TAGLN: variants seen among roughly 807,000 people sequenced by gnomAD.
TAGLN encodes the protein transgelin.
TAGLN carries 16 observed loss-of-function variants against 21.9 expected under a neutral mutation model. The observed-to-expected ratio is 0.73, with a 90% CI of 0.49 to 1.11. The LOEUF is 1.11. TAGLN is among the 50% of genes least tolerant of loss of function. TAGLN has a pLI of 0.00. For synonymous variants in TAGLN, 96 were observed against 94.9 expected (o/e 1.01, Z -0.06); for missense variants, 248 against 263.2 (o/e 0.94, Z 0.40).
Position 117,206,163 on chromosome 11 carries a change from G to A in TAGLN, c.*1804G>A. ...CCTGCTCTCTGTTTCCACTTCGTCT[G>A]GATCCTTGCTGCTGCAAAGTGGCAC... On this transcript the variant is annotated 3_prime_UTR_variant, in exon 5 of 5. Transcript: ENST00000392951. The A allele has an allele frequency of 6.2e-7, 1 of 1,612,932 alleles. No individual in the cohort carries two copies. Among genetic ancestry groups the A allele is most frequent in the Non-Finnish European group, 8.5e-7 (1 of 1,179,166 alleles).
Position 117,205,976 on chromosome 11 carries a change from C to T in TAGLN, c.*1617C>T, listed in dbSNP as rs1189873090. Reference sequence around the variant, plus strand: ...TAATTTTGGGAAAGAAGAGCCTGTCCCACACTGTCAGGCCCTGAGGTCAGC... The same window carrying T: ...TAATTTTGGGAAAGAAGAGCCTGTCTCACACTGTCAGGCCCTGAGGTCAGC... On this transcript the variant is annotated 3_prime_UTR_variant, in exon 5 of 5. Transcript: ENST00000392951. 2 of 931,412 alleles carry T rather than the reference C, an allele frequency of 2.1e-6. No homozygotes were observed. The highest frequency in any genetic ancestry group is 3.2e-6 in the Non-Finnish European group (2 of 627,840). 57.7% of individuals were successfully genotyped at this position (931,412 alleles called of 1,614,324 possible). A position where few individuals can be genotyped will look rare whatever the true frequency, so the allele number is the denominator to read the frequency against.
chr11:117,203,947 C>T lies in TAGLN; in HGVS notation c.461+63C>T. 4 of 1,434,620 alleles carry T rather than the reference C, an allele frequency of 2.8e-6. No individual in the cohort carries two copies. Among genetic ancestry groups the T allele is most frequent in the Non-Finnish European group, 3.9e-6 (4 of 1,019,192 alleles). 88.9% of individuals were successfully genotyped at this position (1,434,620 alleles called of 1,614,324 possible). ...GTGGGAGGTGGCTTGTTCTAAGGAG[C>T]TTGCGGGAAGGATTAGGGGAAGCAG... On this transcript the variant is annotated intron_variant, in intron 4 of 4. Transcript: ENST00000392951. This position sits in a 1 kb window ranked among gnomAD's most constrained non-coding sequence, Gnocchi z 4.4.
At chr11:117,204,068 TC>T in intron 4 of TAGLN, 146 bp from the exon 5 acceptor site, 1 of 1,269,676 alleles carries the variant, frequency 7.9e-7, no homozygotes. Flanking sequence ...GCGCTCAGTC[TC>T]CCTAGCCTAT....
Position 117,206,415 on chromosome 11 carries a change from C to T in TAGLN, c.*2056C>T, listed in dbSNP as rs2031398167. On this transcript the variant is annotated 3_prime_UTR_variant, in exon 5 of 5. Coordinates refer to ENST00000392951, the MANE Select transcript of TAGLN (RefSeq NM_003186.5). ...GTTTCCCGAAGCCTACAGCCTTTCT[C>T]AGCCCAGGACAATGAGCTCAGAAAG... 2 of 1,551,676 alleles carry T rather than the reference C, an allele frequency of 1.3e-6. No homozygotes were observed. The highest frequency in any genetic ancestry group is 2.3e-5 in the East Asian group (1 of 44,340).
In TAGLN at chr11:117,205,597, A is replaced by C. The variant is rs548427880; in HGVS notation, c.*1238A>C. Reference sequence around the variant, plus strand: ...GCCTCTACCCCGAAGTCCTCTTCCCAAGTGACCCCAGTGATGTTTCCATTG... The same window carrying C: ...GCCTCTACCCCGAAGTCCTCTTCCCCAGTGACCCCAGTGATGTTTCCATTG... On this transcript the variant is annotated 3_prime_UTR_variant, in exon 5 of 5. Transcript: ENST00000392951. The C allele has an allele frequency of 5.4e-5, 13 of 242,222 alleles. No individual in the cohort carries two copies. In the South Asian group the frequency reaches 2.1e-3, roughly 40 times the overall value. 15.0% of individuals were successfully genotyped at this position (242,222 alleles called of 1,614,324 possible). A position where few individuals can be genotyped will look rare whatever the true frequency, so the allele number is the denominator to read the frequency against.
intron 1 of TAGLN, chr11:117,200,260 C>G (rs918053623): frequency 4.6e-5 from 7 of 152,348 alleles, no homozygotes; most frequent in Non-Finnish European, 8.8e-5. Flanking sequence ...TCCAGGTGTG[C>G]TCACTCCTAT....
chr11:117,203,589 C>T lies in TAGLN; in HGVS notation c.358+105C>T, dbSNP rs2031197324. The T allele has an allele frequency of 1.4e-6, 2 of 1,384,194 alleles. No individual in the cohort carries two copies. Among genetic ancestry groups the T allele is most frequent in the East Asian group, 2.4e-5 (1 of 42,210 alleles). The allele number at this position is 1,384,194 out of a possible 1,614,324, so 85.7% of individuals were successfully genotyped here. A position where few individuals can be genotyped will look rare whatever the true frequency, so the allele number is the denominator to read the frequency against. On this transcript the variant is annotated intron_variant, in intron 3 of 4. Coordinates refer to ENST00000392951, the MANE Select transcript of TAGLN (RefSeq NM_003186.5). This position sits in a 1 kb window ranked among gnomAD's most constrained non-coding sequence, Gnocchi z 4.4. Reference sequence around the variant, plus strand: ...CCACAACTAGGGGTGTGCTTGCCCGCACACAGCAGGGATGGGATATGCCGA... The same window carrying T: ...CCACAACTAGGGGTGTGCTTGCCCGTACACAGCAGGGATGGGATATGCCGA...
At position 117,203,067 on chromosome 11, in the gene TAGLN, C is replaced by G; in HGVS notation, c.54C>G (p.Ile18Met). ...YGMSREVQSKIEKKYDEELEE... is the reference protein window; with the variant it reads ...YGMSREVQSKMEKKYDEELEE... ...TGAGCCGCGAAGTGCAGTCCAAAAT[C>G]GAGAAGAAGTATGACGAGGAGCTGG... The change falls in exon 2 of 5, where the codon ATC becomes ATG. Residue 18 changes from isoleucine to methionine, a missense_variant. Physicochemically the swap from Ile to Met is conservative, Grantham distance 10 (BLOSUM62 1). Coordinates refer to ENST00000392951, the MANE Select transcript of TAGLN (RefSeq NM_003186.5). This position sits in a 1 kb window ranked among gnomAD's most constrained non-coding sequence, Gnocchi z 4.4. 6.2e-7 allele frequency: 1 copy of G among 1,609,704 alleles called. No homozygotes were observed. Among genetic ancestry groups the G allele is most frequent in the Non-Finnish European group, 8.5e-7 (1 of 1,177,940 alleles).
Position 117,203,916 on chromosome 11 carries a change from C to A in TAGLN, c.461+32C>A. 6.4e-7 allele frequency: 1 copy of A among 1,571,490 alleles called. No homozygotes were observed. Among genetic ancestry groups the A allele is most frequent in the Non-Finnish European group, 8.8e-7 (1 of 1,141,532 alleles). ...GGCCCCCAGGGAGCTTGGGTCTCCG[C>A]ATGGGGTGGGAGGTGGCTTGTTCTA... On this transcript the variant is annotated intron_variant, in intron 4 of 4. Transcript: ENST00000392951. The surrounding 1 kb of genome is among the most constrained non-coding windows in gnomAD (Gnocchi z 4.4).
intron 1 of TAGLN, among the ~76,000 whole-genome samples, chr11:117,200,049 G>C (rs2031022239): frequency 6.6e-6 from 1 of 151,424 alleles, no homozygotes; most frequent in African/African-American, 2.4e-5. Flanking sequence ...TAGCAGAGGG[G>C]TGGGGGGCGG....
At chr11:117,200,713 T>C (rs1386125873) in intron 1 of TAGLN, among the ~76,000 whole-genome samples, 1 of 152,132 alleles carries the variant, frequency 6.6e-6, no homozygotes, top group Non-Finnish European at 1.5e-5. Context: ...TAATCTTGTC[T>C]CTAGATCTGG....
At chr11:117,200,876 G>A (rs368810016) in intron 1 of TAGLN, among the ~76,000 whole-genome samples, 3 of 152,242 alleles carry the variant, frequency 2.0e-5, no homozygotes, top group African/African-American at 7.2e-5. Context: ...AGAAGGGGAA[G>A]GCAGACATGA....
At chr11:117,204,132 G>A (rs955720582) in intron 4 of TAGLN, 83 bp from the exon 5 acceptor site, 17 of 1,589,078 alleles carry the variant, frequency 1.1e-5, no homozygotes, top group Non-Finnish European at 1.4e-5. Flanking sequence ...ATGGGATTGG[G>A]CTAGGACGTA....
chr11:117,200,646 G>A (rs11216313), intron 1 of TAGLN, among the ~76,000 whole-genome samples: 4,128 of 152,300 alleles, frequency 0.027, 164 homozygotes, highest in African/African-American at 0.091. Context: ...GGGAAGGATG[G>A]TGGTGCTGGG....
In TAGLN at chr11:117,204,355, G is replaced by C. The variant is rs1434708789; in HGVS notation, c.602G>C (p.Ser201Thr). 7.4e-6 allele frequency: 12 copies of C among 1,614,218 alleles called. No individual in the cohort carries two copies. The highest frequency in any genetic ancestry group is 2.2e-5 in the East Asian group (1 of 44,878). Residue 201 changes from serine (S) to threonine (T), a missense_variant, in exon 5 of 5, where the codon AGT becomes ACT. Ser to Thr is a moderately conservative substitution (Grantham distance 58). Coordinates refer to ENST00000392951, the MANE Select transcript of TAGLN (RefSeq NM_003186.5). ...TGYGRPRQII[S>T] ...TACGGACGACCTCGGCAGATCATCAGTTAGAGCGGAGAGGGCTAGCCCTGA... is the reference window on the plus strand; with the variant it reads ...TACGGACGACCTCGGCAGATCATCACTTAGAGCGGAGAGGGCTAGCCCTGA...
chr11:117,204,892 G>A lies in TAGLN; in HGVS notation c.*533G>A, dbSNP rs930000800. ...CATCTCGGGCTTGTATGTGTTCCTG[G>A]CTGCCGTCCTCTGAAGGACCCTTCA... On this transcript the variant is annotated 3_prime_UTR_variant, in exon 5 of 5. Coordinates refer to ENST00000392951, the MANE Select transcript of TAGLN (RefSeq NM_003186.5). 9.4e-5 allele frequency: 21 copies of A among 222,866 alleles called. No homozygotes were observed. Among genetic ancestry groups the A allele is most frequent in the Non-Finnish European group, 1.6e-4 (17 of 109,002 alleles). 13.8% of individuals were successfully genotyped at this position (222,866 alleles called of 1,614,324 possible).
chr11:117,203,611 C>A lies in TAGLN; in HGVS notation c.358+127C>A. 1.6e-6 allele frequency: 2 copies of A among 1,272,466 alleles called. No homozygotes were observed. Among genetic ancestry groups the A allele is most frequent in the South Asian group, 1.4e-5 (1 of 72,432 alleles). 78.8% of individuals were successfully genotyped at this position (1,272,466 alleles called of 1,614,324 possible). A position where few individuals can be genotyped will look rare whatever the true frequency, so the allele number is the denominator to read the frequency against. ...CCGCACACAGCAGGGATGGGATATG[C>A]CGAGAATAACACGCCACGCTCACAG... On this transcript the variant is annotated intron_variant, in intron 3 of 4. Coordinates refer to ENST00000392951, the MANE Select transcript of TAGLN (RefSeq NM_003186.5). This position sits in a 1 kb window ranked among gnomAD's most constrained non-coding sequence, Gnocchi z 4.4.
chr11:117,204,036 AC>A lies in TAGLN; in HGVS notation c.461+156del, dbSNP rs773552572. On this transcript the variant is annotated intron_variant, in intron 4 of 4. Coordinates refer to ENST00000392951, the MANE Select transcript of TAGLN (RefSeq NM_003186.5). ...AATAATGGGTCCTTAATACTCCTTG[AC>A]CCCTCCCTTTCCACCCTCCTGCGCT... 2.0e-5 allele frequency: 21 copies of A among 1,070,124 alleles called. No homozygotes were observed. In the African/African-American group the frequency reaches 3.0e-4, roughly 15 times the overall value. The allele number at this position is 1,070,124 out of a possible 1,614,324, so 66.3% of individuals were successfully genotyped here.
Position 117,204,315 on chromosome 11 carries a change from G to A in TAGLN, c.562G>A (p.Ala188Thr). The A allele has an allele frequency of 1.9e-6, 3 of 1,614,232 alleles. No individual in the cohort carries two copies. The highest frequency in any genetic ancestry group is 2.5e-6 in the Non-Finnish European group (3 of 1,180,038). The change falls in exon 5 of 5, where the codon GCC becomes ACC. Residue 188 changes from alanine (A) to threonine (T), a missense_variant. Transcript: ENST00000392951. ...GGGCAGCAACAGAGGGGCCTCCCAG[G>A]CCGGCATGACAGGCTACGGACGACC... ...QMGSNRGASQAGMTGYGRPRQ... is the reference protein window; with the variant it reads ...QMGSNRGASQTGMTGYGRPRQ...
Sources: allele counts gnomAD v4.1 joint callset (sites outside exome capture counted in the v4.1 genomes callset), GRCh38; gene constraint gnomAD v4.1.1; non-coding constraint Gnocchi (gnomAD v3.1); transcripts MANE v1.5; gene names NCBI Gene and HGNC (gene_info 2026-07-23, HGNC 2026-07-21).